POT1: variants seen among roughly 807,000 people sequenced by gnomAD.
The protein encoded by POT1 is protection of telomeres 1, also known as protection of telomeres protein 1.
POT1 carries 47 observed loss-of-function variants against 78.5 expected under a neutral mutation model. The ratio of observed to expected loss-of-function variants is 0.60; its 90% CI spans 0.47 to 0.76. POT1 has a LOEUF of 0.76. Among genes scored for constraint, POT1 ranks in the 30% least tolerant of loss-of-function variants. The pLI, the probability that POT1 is intolerant of heterozygous loss-of-function variation, is 0.00. For synonymous variants in POT1, 259 were observed against 260.7 expected, an observed-to-expected ratio of 0.99 and a Z score of 0.06; for missense variants, 646 against 749.9, an observed-to-expected ratio of 0.86 and a Z score of 1.62.
chr7:124,871,581 T>A (rs1235409190), intron 6 of POT1, among the ~76,000 whole-genome samples: 2 of 152,056 alleles, frequency 1.3e-5, no homozygotes. Flanking sequence ...TGGTAATTCT[T>A]GCTAGTCACC....
At position 124,859,002 on chromosome 7, in the gene POT1, G is replaced by C. The variant is rs1795515779; in HGVS notation, c.657C>G (p.Asp219Glu). The C allele has an allele frequency of 6.2e-7, 1 of 1,611,632 alleles. No homozygotes were observed. Residue 219 changes from aspartate to glutamate, a missense_variant, in exon 9 of 19, where the codon GAC (aspartate) becomes GAG (glutamate). Transcript: ENST00000357628. ...GAACATGGTTATCGTAGACTAAAATGTCTATTGTCAGATTTTGTAGCCGAT... is the reference window on the plus strand; with the variant it reads ...GAACATGGTTATCGTAGACTAAAATCTCTATTGTCAGATTTTGTAGCCGAT... ...HIHRLQNLTIDILVYDNHVHV... is the reference protein window; with the variant it reads ...HIHRLQNLTIEILVYDNHVHV...
At chr7:124,895,879 A>G (rs1031045562) in intron 5 of POT1, among the ~76,000 whole-genome samples, 5 of 151,542 alleles carry the variant, frequency 3.3e-5, no homozygotes, top group Non-Finnish European at 7.4e-5. Context: ...AATATAGGGG[A>G]TAGTTTATAT....
intron 6 of POT1, among the ~76,000 whole-genome samples, chr7:124,880,374 A>T (rs1796089176): frequency 6.6e-6 from 1 of 152,116 alleles, no homozygotes; most frequent in East Asian, 1.9e-4. Context: ...AGACCAATAC[A>T]GGAAAAAAAC....
chr7:124,891,451 T>A (rs906755429), intron 6 of POT1, among the ~76,000 whole-genome samples: 8 of 151,300 alleles, frequency 5.3e-5, no homozygotes, highest in Admixed American at 4.0e-4. Flanking sequence ...TTGTATCTCG[T>A]TTTTTTTAAT....
At chr7:124,922,433 G>A (rs554374717) in intron 2 of POT1, among the ~76,000 whole-genome samples, 2 of 152,046 alleles carry the variant, frequency 1.3e-5, no homozygotes, top group South Asian at 4.1e-4. Flanking sequence ...TATAATACAT[G>A]TACATGTAAA....
At chr7:124,919,305 A>T (rs1797090988) in intron 2 of POT1, among the ~76,000 whole-genome samples, 4 of 152,176 alleles carry the variant, frequency 2.6e-5, no homozygotes, top group Admixed American at 6.6e-5. Flanking sequence ...GAGATGTTGT[A>T]TATGGTGCAT....
At chr7:124,861,589 G>A (rs1795599866) in intron 8 of POT1, among the ~76,000 whole-genome samples, 1 of 152,182 alleles carries the variant, frequency 6.6e-6, no homozygotes, top group Admixed American at 6.6e-5. Context: ...TTGCTGTGCA[G>A]AAGCTCTTTA....
Position 124,827,290 on chromosome 7 carries a change from G to A in POT1, c.1610C>T (p.Pro537Leu), listed in dbSNP as rs774324805. The change falls in exon 17 of 19, where the codon CCC (proline) becomes CTC (leucine). Residue 537 changes from proline to leucine, a missense_variant. This residue lies in a region of POT1 where 394 missense variants were observed against 408.4 expected (regional missense o/e 0.96). Transcript: ENST00000357628. ...SSVAEALGIV[P>L]LQYVFVMTFT... ...GGTCATAACAAACACATATTGGAGGGGTACAATACCCAGTGCTAGTGAAGG... is the reference window on the plus strand; with the variant it reads ...GGTCATAACAAACACATATTGGAGGAGTACAATACCCAGTGCTAGTGAAGG... 2.5e-6 allele frequency: 4 copies of A among 1,583,970 alleles called. No homozygotes were observed. The highest frequency in any genetic ancestry group is 1.3e-5 in the African/African-American group (1 of 74,082).
At chr7:124,837,274 A>C (rs1382340109) in intron 14 of POT1, 1 of 176,414 alleles carries the variant, frequency 5.7e-6, no homozygotes, top group African/African-American at 2.4e-5. Flanking sequence ...CACATAGTCT[A>C]TTCAGTAAAT....
intron 14 of POT1, among the ~76,000 whole-genome samples, chr7:124,837,955 GATCAT>G (rs1190770420): frequency 6.6e-6 from 1 of 152,036 alleles, no homozygotes; most frequent in African/African-American, 2.4e-5. Context: ...AAAATTGTAT[GATCAT>G]ATTAATAGAT....
At chr7:124,892,760 A>G (rs1796402545) in intron 5 of POT1, 1 of 152,370 alleles carries the variant, frequency 6.6e-6, no homozygotes, top group South Asian at 2.1e-4. Flanking sequence ...TATTTATAAA[A>G]TTTTTGACTT....
chr7:124,928,748 A>G (rs1797337087), intron 2 of POT1, 67 bp downstream of exon 2: 1 of 152,678 alleles, frequency 6.5e-6, no homozygotes. Flanking sequence ...CTCATAAATA[A>G]ACTCAACACT....
At chr7:124,833,235 T>G (rs1353856374) in intron 15 of POT1, among the ~76,000 whole-genome samples, 1 of 152,140 alleles carries the variant, frequency 6.6e-6, no homozygotes, top group Non-Finnish European at 1.5e-5. Flanking sequence ...TTTCGCTTTA[T>G]GGCTAAAATT....
At position 124,822,445 on chromosome 7, in the gene POT1, T is replaced by C; in HGVS notation, c.*1517A>G. ...TAAGAAGAGACATGGCCTATCATCA[T>C]GAAGATTCATAGGAAGAGTTTTCCT... On this transcript the variant is annotated 3_prime_UTR_variant, in exon 19 of 19. Transcript: ENST00000357628. The C allele has an allele frequency of 2.5e-6, 1 of 397,246 alleles. No individual in the cohort carries two copies. The highest frequency in any genetic ancestry group is 5.3e-6 in the Non-Finnish European group (1 of 190,010). The allele number at this position is 397,246 out of a possible 1,614,324, so 24.6% of individuals were successfully genotyped here. A position where few individuals can be genotyped will look rare whatever the true frequency, so the allele number is the denominator to read the frequency against.
rs555424108 is a variant in POT1 at position 124,849,763 on chromosome 7, T to C, written c.949+2109A>G. 4.6e-5 allele frequency among the ~76,000 whole-genome samples: 7 copies of C among 152,272 alleles called. No homozygotes were observed. The East Asian group carries it at 1.3e-3, about 29-fold the overall frequency. ...TGAAAAAAGCATAACATTATTATTA[T>C]GCAACTATAATGAATTTGAGTCATA... On this transcript the variant is annotated intron_variant, in intron 11 of 18. Transcript: ENST00000357628.
chr7:124,893,642 A>G (rs777022362), intron 5 of POT1, among the ~76,000 whole-genome samples: 2 of 151,544 alleles, frequency 1.3e-5, no homozygotes, highest in African/African-American at 4.8e-5. Context: ...ATATCACAGT[A>G]TGAATTTCCA....
At chr7:124,831,819 TA>T (rs1794764974) in intron 15 of POT1, among the ~76,000 whole-genome samples, 1 of 151,732 alleles carries the variant, frequency 6.6e-6, no homozygotes, top group African/African-American at 2.4e-5. Flanking sequence ...TATATAAATT[TA>T]AAAAATGAAA....
At chr7:124,868,311 C>A (rs1435148879) in intron 7 of POT1, among the ~76,000 whole-genome samples, 1 of 151,984 alleles carries the variant, frequency 6.6e-6, no homozygotes, top group Non-Finnish European at 1.5e-5. Flanking sequence ...AATAGAGAAA[C>A]AACTTTATAG....
chr7:124,851,729 C>G, intron 11 of POT1, 143 bp downstream of exon 11: 1 of 657,920 alleles, frequency 1.5e-6, no homozygotes, highest in Middle Eastern at 4.3e-4. Context: ...TGGCATAGGC[C>G]ACAGATAAAG....
Sources: allele counts gnomAD v4.1 joint callset (sites outside exome capture counted in the v4.1 genomes callset), GRCh38; gene constraint gnomAD v4.1.1; regional missense constraint gnomAD v4.1.1; transcripts MANE v1.5; gene names NCBI Gene and HGNC (gene_info 2026-07-23, HGNC 2026-07-21).